Variants in SYNE2 observed in about 807,000 individuals in gnomAD.
SYNE2 encodes the protein spectrin repeat containing nuclear envelope protein 2.
Under a neutral mutation model 856.3 loss-of-function variants are expected in SYNE2, and 431 were observed. The observed-to-expected ratio is 0.50, with a 90% CI of 0.47 to 0.55. SYNE2 has a LOEUF of 0.55. Among genes scored for constraint, SYNE2 ranks in the 20% least tolerant of loss-of-function variants. The probability of loss-of-function intolerance (pLI) is 0.00; values close to 1 mark genes in which losing one functional copy is unlikely to be tolerated. For synonymous variants in SYNE2, 2,923 were observed against 2,872.3 expected (o/e 1.02, Z -0.56); for missense variants, 8,129 against 8,023.2 (o/e 1.01, Z -0.50).
chr14:64,161,345 GAAA>G (rs769939533), intron 87 of SYNE2, among the ~76,000 whole-genome samples: 10 of 123,544 alleles, frequency 8.1e-5, no homozygotes, highest in African/African-American at 3.0e-4. Flanking sequence ...CCCTGTTTCA[GAAA>G]AAAAAAAAAA....
Position 64,098,808 on chromosome 14 carries a change from C to T in SYNE2, c.12368C>T (p.Ser4123Phe). 1 of 1,613,968 alleles carries T rather than the reference C, an allele frequency of 6.2e-7. No individual in the cohort carries two copies. The highest frequency in any genetic ancestry group is 8.5e-7 in the Non-Finnish European group (1 of 1,180,004). Residue 4123 changes from serine to phenylalanine, a missense_variant, in exon 63 of 116, where the codon TCC (serine) becomes TTC (phenylalanine). Coordinates refer to ENST00000555002, the MANE Select transcript of SYNE2 (RefSeq NM_182914.3). The part of the protein sequence containing the change: ...AAVEEEVEES[S>F]VKSDNGDEKA... ...GTCGAGGAAGAGGTGGAAGAAAGTTCCGTGAAGAGCGATGTAAGGGAAATG... is the reference window on the plus strand; with the variant it reads ...GTCGAGGAAGAGGTGGAAGAAAGTTTCGTGAAGAGCGATGTAAGGGAAATG...
intron 30 of SYNE2, among the ~76,000 whole-genome samples, chr14:64,004,577 G>C (rs145855543): frequency 2.0e-5 from 3 of 152,026 alleles, no homozygotes; most frequent in Middle Eastern, 3.2e-3. Context: ...TCATCCACCC[G>C]CTTTAACCTC....
chr14:64,196,059 A>T (rs1157761178), intron 99 of SYNE2, among the ~76,000 whole-genome samples: 3 of 152,186 alleles, frequency 2.0e-5, no homozygotes, highest in Non-Finnish European at 4.4e-5. Flanking sequence ...GGTCCAGTGT[A>T]CTGAGCCTCA....
intron 1 of SYNE2, among the ~76,000 whole-genome samples, chr14:63,835,663 T>G (rs1408947005): frequency 6.6e-6 from 1 of 152,100 alleles, no homozygotes; most frequent in Non-Finnish European, 1.5e-5. Context: ...TTCTAGTACC[T>G]CATTTCTTAA....
chr14:64,223,006 C>T (rs986008306), intron 112 of SYNE2, among the ~76,000 whole-genome samples, 183 bp from the exon 113 acceptor site: 2 of 152,172 alleles, frequency 1.3e-5, no homozygotes, highest in Non-Finnish European at 2.9e-5. Flanking sequence ...GGGCATAATA[C>T]ACTTGCTATC....
chr14:63,882,924 C>G (rs1440633686), intron 1 of SYNE2, among the ~76,000 whole-genome samples: 2 of 150,374 alleles, frequency 1.3e-5, no homozygotes, highest in Non-Finnish European at 2.9e-5. Context: ...TTATCCATGT[C>G]AGAGAAGTTT....
chr14:64,064,945 A>C (rs2097347088), intron 50 of SYNE2, among the ~76,000 whole-genome samples: 1 of 150,852 alleles, frequency 6.6e-6, no homozygotes, highest in South Asian at 2.1e-4. Context: ...CAACCCTGCA[A>C]CCTGTGCCTC....
Position 63,981,059 on chromosome 14 carries a change from A to G in SYNE2, c.1722A>G (p.Ile574Met), listed in dbSNP as rs1297983999. The G allele has an allele frequency of 1.3e-6, 2 of 1,595,366 alleles. No homozygotes were observed. The highest frequency in any genetic ancestry group is 1.7e-6 in the Non-Finnish European group (2 of 1,163,262). ...ATGTTTGTATGTATAGAAAAAATAT[A>G]TATAATGTGAAGTCCACTCTACAAA... ...KSDVCMYRKN[I>M]YNVKSTLQKV... The change falls in exon 16 of 116, where the codon ATA (isoleucine) becomes ATG (methionine). Residue 574 changes from isoleucine to methionine, a missense_variant. Ile to Met is a conservative substitution (Grantham distance 10, BLOSUM62 1). Coordinates refer to ENST00000555002, the MANE Select transcript of SYNE2 (RefSeq NM_182914.3).
At chr14:63,803,142 C>T (rs1888218801) in intron 1 of SYNE2, among the ~76,000 whole-genome samples, 2 of 152,182 alleles carry the variant, frequency 1.3e-5, no homozygotes, top group Admixed American at 1.3e-4. Context: ...TTTACAATCC[C>T]TGCGCTAGAT....
At chr14:63,868,670 G>A (rs900998509) in intron 1 of SYNE2, among the ~76,000 whole-genome samples, 4 of 152,138 alleles carry the variant, frequency 2.6e-5, no homozygotes, top group Admixed American at 2.6e-4. Context: ...AAGAGAGACT[G>A]CAAGAATGGA....
At position 64,025,372 on chromosome 14, in the gene SYNE2, A is replaced by G; in HGVS notation, c.6203A>G (p.Asn2068Ser). The G allele has an allele frequency of 1.2e-6, 2 of 1,613,840 alleles. No homozygotes were observed. Among genetic ancestry groups the G allele is most frequent in the South Asian group, 2.2e-5 (2 of 91,064 alleles). ...KEIKESLMVL[N>S]SSEGKMPLEE... ...ATTAAAGAGTCCCTTATGGTTTTGAATTCATCCGAAGGCAAAATGCCACTT... is the reference window on the plus strand; with the variant it reads ...ATTAAAGAGTCCCTTATGGTTTTGAGTTCATCCGAAGGCAAAATGCCACTT... The change falls in exon 41 of 116, where the codon AAT becomes AGT. Residue 2068 changes from asparagine (N) to serine (S), a missense_variant. By Grantham distance (46) the Asn-to-Ser change is conservative. Transcript: ENST00000555002.
At chr14:63,856,366 A>G (rs2140067221) in intron 1 of SYNE2, among the ~76,000 whole-genome samples, 1 of 152,320 alleles carries the variant, frequency 6.6e-6, no homozygotes, top group Middle Eastern at 3.4e-3. Context: ...GCAGACTCTA[A>G]CGAACCTGTA....
chr14:63,781,647 G>A (rs1887315070), intron 1 of SYNE2, among the ~76,000 whole-genome samples: 1 of 144,000 alleles, frequency 6.9e-6, no homozygotes, highest in South Asian at 2.4e-4. Flanking sequence ...GAGAGAGATG[G>A]ACCTTAGGCC....
chr14:64,202,916 G>T lies in SYNE2; in HGVS notation c.18154G>T (p.Asp6052Tyr). ...TGAGCTTTCCAAGCCTGTTGTTTATGATGTCTGCGATGATCAAGAGATCCA... is the reference window on the plus strand; with the variant it reads ...TGAGCTTTCCAAGCCTGTTGTTTATTATGTCTGCGATGATCAAGAGATCCA... ...ESELSKPVVY[D>Y]VCDDQEIQKR... The change falls in exon 100 of 116, where the codon GAT (aspartate) becomes TAT (tyrosine). Residue 6052 changes from aspartate to tyrosine, a missense_variant. Physicochemically the swap from Asp to Tyr is radical, Grantham distance 160 (BLOSUM62 -3). Transcript: ENST00000555002. The T allele has an allele frequency of 1.2e-6, 2 of 1,614,206 alleles. No homozygotes were observed. Among genetic ancestry groups the T allele is most frequent in the Non-Finnish European group, 1.7e-6 (2 of 1,180,044 alleles).
At position 64,025,394 on chromosome 14, in the gene SYNE2, ACT is replaced by A; in HGVS notation, c.6226_6227del (p.Leu2076Ter). ...VLNSSEGKMP[L>X]EERIQKIKEI... ...TGAATTCATCCGAAGGCAAAATGCC[ACT>A]TGAGGAAAGAATCCAAAAAATCAAG... On this transcript the variant is annotated frameshift_variant, in exon 41 of 116. Coordinates refer to ENST00000555002, the MANE Select transcript of SYNE2 (RefSeq NM_182914.3). LOFTEE classifies it high-confidence loss of function. 2.5e-6 allele frequency: 4 copies of A among 1,613,280 alleles called. No homozygotes were observed. In the South Asian group the frequency reaches 4.4e-5, roughly 18 times the overall value.
chr14:64,031,171 G>T lies in SYNE2; in HGVS notation c.7035G>T (p.Arg2345Ser). 6.2e-7 allele frequency: 1 copy of T among 1,614,174 alleles called. No homozygotes were observed. The highest frequency in any genetic ancestry group is 8.5e-7 in the Non-Finnish European group (1 of 1,180,022). Residue 2345 changes from arginine (R) to serine (S), a missense_variant, in exon 45 of 116, where the codon AGG becomes AGT. By Grantham distance (110) the Arg-to-Ser change is moderately radical (BLOSUM62 -1). Around this residue, in one of 3 missense-constraint regions of SYNE2, gnomAD observed 297 missense variants for 380.9 expected, o/e 0.78. Transcript: ENST00000555002. ...LQCKQKDLEN[R>S]LASAKQEMEC... Reference sequence around the variant, plus strand: ...GTAAACAAAAAGATTTGGAAAACAGGCTTGCATCTGCTAAGCAGGAGATGG... The same window carrying T: ...GTAAACAAAAAGATTTGGAAAACAGTCTTGCATCTGCTAAGCAGGAGATGG...
At chr14:64,062,610 TA>T in intron 49 of SYNE2, 140 bp from the exon 50 acceptor site, 1 of 793,138 alleles carries the variant, frequency 1.3e-6, no homozygotes, top group Non-Finnish European at 2.0e-6. Flanking sequence ...GAAAACATTT[TA>T]AAATGCATTG....
chr14:64,165,828 GCA>G (rs746060412), intron 90 of SYNE2, among the ~76,000 whole-genome samples: 1 of 152,066 alleles, frequency 6.6e-6, no homozygotes, highest in East Asian at 1.9e-4. Context: ...TCACCCTTGA[GCA>G]CAGTCATTTT....
At chr14:64,179,408 T>C (rs1306310529) in intron 96 of SYNE2, among the ~76,000 whole-genome samples, 2 of 152,244 alleles carry the variant, frequency 1.3e-5, no homozygotes, top group African/African-American at 4.8e-5. Flanking sequence ...CCCAAAGTGC[T>C]GGGATTACAG....
Sources: allele counts gnomAD v4.1 joint callset (sites outside exome capture counted in the v4.1 genomes callset), GRCh38; gene constraint gnomAD v4.1.1; regional missense constraint gnomAD v4.1.1; transcripts MANE v1.5; gene names NCBI Gene and HGNC (gene_info 2026-07-23, HGNC 2026-07-21).